The following SRGAP3 variants were observed in gnomAD, a reference collection of about 807,000 sequenced individuals.
SRGAP3 encodes the protein SLIT-ROBO Rho GTPase activating protein 3.
SRGAP3 carries 39 observed loss-of-function variants against 121.1 expected under a neutral mutation model. The observed-to-expected ratio is 0.32, with a 90% CI of 0.25 to 0.42. The LOEUF is 0.42. Among genes scored for constraint, SRGAP3 ranks in the 10% least tolerant of loss-of-function variants. SRGAP3 has a pLI of 1.00. For synonymous variants in SRGAP3, 601 were observed against 570.0 expected, an observed-to-expected ratio of 1.05 and a Z score of -0.77; for missense variants, 1,213 against 1,470.6, an observed-to-expected ratio of 0.82 and a Z score of 2.86.
At chr3:9,262,770 T>C (rs1954281282) in intron 3 of SRGAP3, among the ~76,000 whole-genome samples, 1 of 152,068 alleles carries the variant, frequency 6.6e-6, no homozygotes, top group Non-Finnish European at 1.5e-5. Flanking sequence ...ACAATAATAG[T>C]GGGAGACTTT....
chr3:9,209,108 C>T (rs1952357322), intron 1 of SRGAP3, among the ~76,000 whole-genome samples: 1 of 152,202 alleles, frequency 6.6e-6, no homozygotes, highest in Non-Finnish European at 1.5e-5. Flanking sequence ...TCAGGTTTCT[C>T]CCCACCAATA....
At position 9,216,448 on chromosome 3, in the gene SRGAP3, G is replaced by A. The variant is rs575084037; in HGVS notation, c.67+32437C>T. Among the ~76,000 whole-genome samples, 4 of 152,262 alleles carry A rather than the reference G, an allele frequency of 2.6e-5. No individual in the cohort carries two copies. In the South Asian group the frequency reaches 6.2e-4, roughly 24 times the overall value. On this transcript the variant is annotated intron_variant, in intron 1 of 21. Coordinates refer to ENST00000383836, the MANE Select transcript of SRGAP3 (RefSeq NM_014850.4). ...ACACCCTGTGGAGCAGCCACAGCCC[G>A]GTCCTCTCCGTATCGTTTCTCTGAA...
At chr3:9,231,826 C>T (rs934567115) in intron 1 of SRGAP3, among the ~76,000 whole-genome samples, 1 of 152,290 alleles carries the variant, frequency 6.6e-6, no homozygotes, top group Middle Eastern at 3.4e-3. Flanking sequence ...TTGATCCTCA[C>T]AGCAACCACC....
In SRGAP3 at chr3:9,311,388, C is replaced by A. The variant is rs73811465; in HGVS notation, n.442+14622G>T. On this transcript the variant is annotated intron_variant and non_coding_transcript_variant, in intron 3 of 3. Coordinates refer to the SRGAP3 transcript ENST00000490889. The stretch of plus-strand genomic sequence containing the variant: ...CTCATAAAATACAAACTATTCAGGA[C>A]AACTTGGGAAGGAAACTTTGGCATT... Among the ~76,000 whole-genome samples, 5 of 152,174 alleles carry A rather than the reference C, an allele frequency of 3.3e-5. No individual in the cohort carries two copies. The South Asian group carries it at 1.0e-3, about 32-fold the overall frequency.
chr3:9,099,962 G>A (rs1948150959), intron 3 of SRGAP3, among the ~76,000 whole-genome samples: 2 of 152,230 alleles, frequency 1.3e-5, no homozygotes, highest in South Asian at 4.1e-4. Context: ...GAGACAGCGT[G>A]CCTAGGCTGA....
chr3:9,006,683 A>G (rs571614954), intron 18 of SRGAP3, among the ~76,000 whole-genome samples: 2 of 152,336 alleles, frequency 1.3e-5, no homozygotes, highest in South Asian at 4.1e-4. Context: ...TGGTGGCACA[A>G]TTATAATTGA....
At chr3:9,208,068 A>G (rs1952326037) in intron 1 of SRGAP3, among the ~76,000 whole-genome samples, 1 of 152,080 alleles carries the variant, frequency 6.6e-6, no homozygotes, top group Non-Finnish European at 1.5e-5. Context: ...GAGTCCTTTG[A>G]GTGCAGGGCC....
intron 2 of SRGAP3, among the ~76,000 whole-genome samples, chr3:9,110,550 C>A (rs943976055): frequency 7.9e-5 from 12 of 152,232 alleles, no homozygotes; most frequent in African/African-American, 2.9e-4. Flanking sequence ...CGCGGTGGCG[C>A]CTCCCCTCCT....
rs1290353516 is a variant in SRGAP3, at chr3:9,034,708, T to C, written c.1437-1956A>G. 4 of 152,226 alleles carry C rather than the reference T, an allele frequency of 2.6e-5. No individual in the cohort carries two copies. The East Asian group carries it at 7.7e-4, about 29-fold the overall frequency. 9.4% of individuals were successfully genotyped at this position (152,226 alleles called of 1,614,324 possible). ...AATTTGGTTAGCTAAGTCCATGTCA[T>C]TTATTTTTCAAAAATTACTTATTTT... On this transcript the variant is annotated intron_variant, in intron 11 of 21. Coordinates refer to ENST00000383836, the MANE Select transcript of SRGAP3 (RefSeq NM_014850.4).
At chr3:9,021,899 G>C (rs939790933) in intron 14 of SRGAP3, among the ~76,000 whole-genome samples, 1 of 152,110 alleles carries the variant, frequency 6.6e-6, no homozygotes, top group Admixed American at 6.5e-5. Flanking sequence ...AATGGCGAAA[G>C]CCCATCTCTA....
At chr3:9,005,940 T>C (rs1033318015) in intron 18 of SRGAP3, among the ~76,000 whole-genome samples, 1 of 143,704 alleles carries the variant, frequency 7.0e-6, no homozygotes, top group Non-Finnish European at 1.6e-5. Flanking sequence ...GTGTGATCTA[T>C]AACTCAATAA....
chr3:9,313,511 A>G (rs112382963), intron 3 of SRGAP3, among the ~76,000 whole-genome samples: 8,110 of 151,894 alleles, frequency 0.053, 718 homozygotes, highest in African/African-American at 0.19. Context: ...CAACATAGCG[A>G]AACTCCATCT....
chr3:9,300,273 G>A (rs920427455), intron 3 of SRGAP3, among the ~76,000 whole-genome samples: 9 of 85,278 alleles, frequency 1.1e-4, no homozygotes, highest in African/African-American at 4.0e-4. Context: ...GTGCACTCTG[G>A]AGTACAGTCA....
chr3:9,273,394 T>G (rs895628934), intron 3 of SRGAP3, among the ~76,000 whole-genome samples: 1 of 152,222 alleles, frequency 6.6e-6, no homozygotes, highest in Non-Finnish European at 1.5e-5. Context: ...TTATGTATCT[T>G]CTTTCAAAAA....
At chr3:9,238,773 A>T (rs955906811) in intron 1 of SRGAP3, among the ~76,000 whole-genome samples, 4 of 152,166 alleles carry the variant, frequency 2.6e-5, no homozygotes, top group Admixed American at 2.6e-4. Flanking sequence ...CCTGAGGCAA[A>T]TATCCAGGGT....
intron 3 of SRGAP3, among the ~76,000 whole-genome samples, chr3:9,294,695 CGTGT>C (rs753452580): frequency 0.026 from 3,069 of 119,826 alleles, 64 homozygotes; most frequent in East Asian, 0.1. Flanking sequence ...TTGAAGCTTT[CGTGT>C]GTGTGTGTGT....
intron 1 of SRGAP3, among the ~76,000 whole-genome samples, chr3:9,133,052 A>G (rs1575122061): frequency 2.0e-5 from 3 of 148,724 alleles, no homozygotes; most frequent in African/African-American, 2.4e-5. Flanking sequence ...TATATTATAT[A>G]GATCTATATA....
chr3:9,270,818 T>TA (rs2125260464), intron 3 of SRGAP3, among the ~76,000 whole-genome samples: 1 of 152,208 alleles, frequency 6.6e-6, no homozygotes, highest in Admixed American at 6.5e-5. Flanking sequence ...TTTTTTTTTT[T>TA]AAGTCAATTC....
chr3:9,045,278 C>T (rs972416220), intron 10 of SRGAP3, among the ~76,000 whole-genome samples: 1 of 151,976 alleles, frequency 6.6e-6, no homozygotes, highest in Admixed American at 6.6e-5. Context: ...AGCCTCTCCA[C>T]GGCCAGCTTA....
Sources: gnomAD v4.1 joint callset for allele counts (sites outside exome capture counted in the v4.1 genomes callset) on GRCh38, gnomAD v4.1.1 for gene constraint, MANE v1.5 for transcripts, NCBI Gene and HGNC (gene_info 2026-07-23, HGNC 2026-07-21) for gene names.